PUS7: variants seen among roughly 807,000 people sequenced by gnomAD.
The protein encoded by PUS7 is pseudouridine synthase 7, also known as pseudouridylate synthase 7 homolog.
A neutral mutation model predicts 79.8 loss-of-function variants in PUS7; 48 were observed. That is an observed-to-expected ratio of 0.60 (90% CI 0.48 to 0.76). The LOEUF (loss-of-function observed/expected upper bound fraction) is 0.76, where lower values mean the gene tolerates loss of function less well. Ranked by LOEUF, PUS7 falls within the 30% of genes least tolerant of loss-of-function variation. The probability of loss-of-function intolerance (pLI) is 0.00; values close to 1 mark genes in which losing one functional copy is unlikely to be tolerated. For missense variants in PUS7, 729 were observed against 797.6 expected (o/e 0.91, Z 1.04); for synonymous variants, 286 against 272.2 (o/e 1.05, Z -0.50).
intron 13 of PUS7, among the ~76,000 whole-genome samples, chr7:105,464,156 G>C (rs552553810): frequency 9.7e-4 from 147 of 152,322 alleles, no homozygotes; most frequent in South Asian, 6.4e-3. Context: ...AATTGGTACT[G>C]GCAAAGTTCC....
chr7:105,475,740 G>T (rs1586113752), intron 9 of PUS7, among the ~76,000 whole-genome samples: 1 of 151,800 alleles, frequency 6.6e-6, no homozygotes, highest in East Asian at 1.9e-4. Flanking sequence ...ACAGTTCTGT[G>T]GCATTAAGTG....
intron 5 of PUS7, among the ~76,000 whole-genome samples, chr7:105,498,254 G>C (rs1825114286): frequency 6.6e-6 from 1 of 152,126 alleles, no homozygotes; most frequent in South Asian, 2.1e-4. Context: ...TTAAATAACA[G>C]AAAATCAATG....
chr7:105,468,818 A>G (rs1361033101), intron 11 of PUS7, among the ~76,000 whole-genome samples: 1 of 152,174 alleles, frequency 6.6e-6, no homozygotes, highest in East Asian at 1.9e-4. Context: ...ACGCCCAGCC[A>G]AAAAGTGCTG....
intron 9 of PUS7, among the ~76,000 whole-genome samples, chr7:105,479,169 G>A (rs550703990): frequency 6.6e-5 from 10 of 152,212 alleles, no homozygotes; most frequent in Admixed American, 2.6e-4. Context: ...TCTGTGAATT[G>A]GTATTATTAT....
chr7:105,521,729 C>A (rs1192731607), intron 1 of PUS7, among the ~76,000 whole-genome samples: 1 of 152,156 alleles, frequency 6.6e-6, no homozygotes, highest in African/African-American at 2.4e-5. Context: ...GGGAAGGGGG[C>A]CCCCGGGGGA....
chr7:105,509,058 C>T (rs1825597296), intron 1 of PUS7, among the ~76,000 whole-genome samples: 1 of 147,060 alleles, frequency 6.8e-6, no homozygotes, highest in African/African-American at 2.5e-5. Context: ...GTGGTAGGCG[C>T]CTGTAATCCC....
Position 105,506,223 on chromosome 7 carries a change from T to C in PUS7, c.449A>G (p.His150Arg), listed in dbSNP as rs771347924. ...HEIGKDGRIS[H>R]LNDLSIPVDE... ...CACTGGAATGGACAAGTCATTCAAA[T>C]GGCTGATCCGTCCATCTTTTCCTAT... Residue 150 changes from histidine (H) to arginine (R), a missense_variant, in exon 3 of 16, where the codon CAT (histidine) becomes CGT (arginine). Transcript: ENST00000469408. 23 of 1,613,630 alleles carry C rather than the reference T, an allele frequency of 1.4e-5. No individual in the cohort carries two copies. Among genetic ancestry groups the C allele is most frequent in the Non-Finnish European group, 1.9e-5 (23 of 1,179,824 alleles).
At chr7:105,483,951 A>G (rs889880934) in intron 7 of PUS7, among the ~76,000 whole-genome samples, 2 of 152,192 alleles carry the variant, frequency 1.3e-5, no homozygotes, top group African/African-American at 4.8e-5. Flanking sequence ...ACGTCTTTCA[A>G]TGTGGATTTA....
chr7:105,505,585 G>A (rs1825422375), intron 4 of PUS7, among the ~76,000 whole-genome samples: 1 of 152,072 alleles, frequency 6.6e-6, no homozygotes, highest in South Asian at 2.1e-4. Flanking sequence ...CTGTTCATTT[G>A]TGGTCCCTAA....
At chr7:105,503,612 G>A (rs6953327) in intron 4 of PUS7, among the ~76,000 whole-genome samples, 35,088 of 151,950 alleles carry the variant, frequency 0.23, 4,130 homozygotes, top group South Asian at 0.31. Flanking sequence ...CAATGCACAA[G>A]TATTTTCTAT....
At chr7:105,509,177 T>A (rs1393694197) in intron 1 of PUS7, among the ~76,000 whole-genome samples, 5 of 53,466 alleles carry the variant, frequency 9.4e-5, no homozygotes, top group South Asian at 8.6e-4. Flanking sequence ...AGAGCAAGAC[T>A]CCATCTCAAA....
chr7:105,510,690 T>A (rs894510522), intron 1 of PUS7, among the ~76,000 whole-genome samples: 1 of 152,002 alleles, frequency 6.6e-6, no homozygotes, highest in Non-Finnish European at 1.5e-5. Context: ...ATTTTTGTAA[T>A]TTTTGGTAGA....
intron 7 of PUS7, among the ~76,000 whole-genome samples, chr7:105,490,539 A>T (rs1419699521): frequency 6.6e-6 from 1 of 152,084 alleles, no homozygotes; most frequent in Non-Finnish European, 1.5e-5. Flanking sequence ...TCCATAATCC[A>T]GCCTCTATAC....
chr7:105,490,115 A>G (rs1824721747), intron 7 of PUS7, among the ~76,000 whole-genome samples: 1 of 151,812 alleles, frequency 6.6e-6, no homozygotes, highest in African/African-American at 2.4e-5. Context: ...CAAGACTAAA[A>G]AAAAAAAAAA....
intron 5 of PUS7, among the ~76,000 whole-genome samples, chr7:105,501,796 A>T (rs894004572): frequency 3.9e-5 from 6 of 151,976 alleles, no homozygotes; most frequent in Admixed American, 1.3e-4. Context: ...TCTACTAAAA[A>T]TACAAACAAT....
At chr7:105,507,841 G>T (rs1291322465) in intron 2 of PUS7, among the ~76,000 whole-genome samples, 2 of 152,092 alleles carry the variant, frequency 1.3e-5, no homozygotes, top group Non-Finnish European at 2.9e-5. Flanking sequence ...TGTGCCTGGT[G>T]AATGAATTTA....
intron 7 of PUS7, among the ~76,000 whole-genome samples, chr7:105,484,506 T>C (rs1480380365): frequency 2.6e-5 from 1 of 38,962 alleles, no homozygotes; most frequent in Non-Finnish European, 6.2e-5. Flanking sequence ...GAATCTTTTT[T>C]TCTTAAAAAA....
chr7:105,457,869 G>A lies in PUS7; in HGVS notation c.1907C>T (p.Thr636Ile), dbSNP rs1429240517. The change falls in exon 16 of 16, where the codon ACC (threonine) becomes ATC (isoleucine). Residue 636 changes from threonine to isoleucine, a missense_variant. Transcript: ENST00000469408. ...TTTTAGCACTTCTCGAATGGCCATG[G>A]TGGCGTAAGTAGAAGGGGGTAGAGA... ...DFSLPPSTYATMAIREVLKMD... is the reference protein window; with the variant it reads ...DFSLPPSTYAIMAIREVLKMD... 6.2e-7 allele frequency: 1 copy of A among 1,613,960 alleles called. No individual in the cohort carries two copies. The highest frequency in any genetic ancestry group is 1.3e-5 in the African/African-American group (1 of 74,920).
intron 9 of PUS7, among the ~76,000 whole-genome samples, 169 bp downstream of exon 9, chr7:105,480,883 C>G (rs1824293142): frequency 6.6e-6 from 1 of 152,166 alleles, no homozygotes; most frequent in African/African-American, 2.4e-5. Flanking sequence ...TCCTTTTGAA[C>G]TCCGATTTTT....
Sources: allele counts gnomAD v4.1 joint callset (sites outside exome capture counted in the v4.1 genomes callset), GRCh38; gene constraint gnomAD v4.1.1; transcripts MANE v1.5; gene names NCBI Gene and HGNC (gene_info 2026-07-23, HGNC 2026-07-21).